Variants in ARPC1A observed in about 807,000 individuals in gnomAD.
ARPC1A encodes the protein actin-related protein 2/3 complex subunit 1A.
A neutral mutation model predicts 46.9 loss-of-function variants in ARPC1A; 8 were observed. That is an observed-to-expected ratio of 0.17 (90% confidence interval 0.10 to 0.31). The LOEUF is 0.31. ARPC1A is among the 10% of genes least tolerant of loss of function. The pLI, the probability that ARPC1A is intolerant of heterozygous loss-of-function variation, is 1.00. For synonymous variants in ARPC1A, 152 were observed against 169.0 expected (o/e 0.90, Z 0.78); for missense variants, 286 against 483.6 (o/e 0.59, Z 3.83).
intron 5 of ARPC1A, among the ~76,000 whole-genome samples, chr7:99,351,467 C>T (rs867665770): frequency 6.6e-6 from 1 of 152,140 alleles, no homozygotes; most frequent in Admixed American, 6.5e-5. Context: ...TATCCACCTG[C>T]CTCGGCCTCC....
rs548399836 is a variant in ARPC1A at position 99,342,947 on chromosome 7, C to T, written c.170-1346C>T. 3.9e-4 allele frequency among the ~76,000 whole-genome samples: 60 copies of T among 152,098 alleles called. No homozygotes were observed. The South Asian group carries it at 7.3e-3, about 18-fold the overall frequency. On this transcript the variant is annotated intron_variant, in intron 3 of 9. Transcript: ENST00000262942. ...CCGTGTTAGCCAGGATAGTCTCGATCTCCTAACCTCGTGATCCGCCTGCCT... is the reference window on the plus strand; with the variant it reads ...CCGTGTTAGCCAGGATAGTCTCGATTTCCTAACCTCGTGATCCGCCTGCCT...
chr7:99,332,364 G>A (rs1793157203), intron 1 of ARPC1A, among the ~76,000 whole-genome samples: 1 of 152,192 alleles, frequency 6.6e-6, no homozygotes, highest in African/African-American at 2.4e-5. Flanking sequence ...GGCCCATCCA[G>A]TTAGATTGAT....
chr7:99,360,792 T>C (rs914843399), intron 8 of ARPC1A, among the ~76,000 whole-genome samples: 6 of 151,900 alleles, frequency 3.9e-5, no homozygotes, highest in Admixed American at 3.3e-4. Context: ...AATACAAAAA[T>C]TAGCTTGGCA....
intron 5 of ARPC1A, among the ~76,000 whole-genome samples, chr7:99,350,524 G>A (rs1793528233): frequency 6.7e-6 from 1 of 150,052 alleles, no homozygotes; most frequent in South Asian, 2.1e-4. Flanking sequence ...GCTTTTTAAA[G>A]TTGTTCTTTC....
chr7:99,351,035 AAGAG>A (rs1037296829), intron 5 of ARPC1A, among the ~76,000 whole-genome samples: 16 of 152,100 alleles, frequency 1.1e-4, no homozygotes, highest in African/African-American at 3.9e-4. Flanking sequence ...TTAAAAAAAA[AAGAG>A]AGAGAGATGT....
rs1187679094 is a variant in ARPC1A at position 99,358,401 on chromosome 7, A to T, written c.775A>T (p.Ser259Cys). 7 of 1,614,008 alleles carry T rather than the reference A, an allele frequency of 4.3e-6. No homozygotes were observed. Among genetic ancestry groups the T allele is most frequent in the Non-Finnish European group, 5.9e-6 (7 of 1,180,018 alleles). The change falls in exon 7 of 10, where the codon AGC (serine) becomes TGC (cysteine). Residue 259 changes from serine (S) to cysteine (C), a missense_variant. Ser to Cys is a moderately radical substitution (Grantham distance 112). This residue lies in a region of ARPC1A where 182 missense variants were observed against 276.7 expected (regional missense o/e 0.66). Coordinates refer to ENST00000262942, the MANE Select transcript of ARPC1A (RefSeq NM_006409.4). ...AAGTGTGTCATTTGTCTCAGAGAAC[A>T]GCGTCGTGGCTGCTGTGAGTATTTT... ...LLSVSFVSEN[S>C]VVAAGHDCCP...
In ARPC1A at chr7:99,351,763, G is replaced by A. The variant is rs558760055; in HGVS notation, c.501-2146G>A. ...GGGGGGATACCTCGGTTCTTTTAGG[G>A]AGCCTTTAGGTTCAGCAGTTTTTTG... On this transcript the variant is annotated intron_variant, in intron 5 of 9. Transcript: ENST00000262942. Among the ~76,000 whole-genome samples, 10 of 152,304 alleles carry A rather than the reference G, an allele frequency of 6.6e-5. No homozygotes were observed. In the South Asian group the frequency reaches 1.9e-3, roughly 28 times the overall value.
chr7:99,337,700 A>G (rs1793279681), intron 2 of ARPC1A, among the ~76,000 whole-genome samples: 1 of 152,206 alleles, frequency 6.6e-6, no homozygotes, highest in African/African-American at 2.4e-5. Flanking sequence ...ATAGTTTATC[A>G]GCAGAATCAA....
chr7:99,345,070 G>T (rs1449497478), intron 4 of ARPC1A, among the ~76,000 whole-genome samples: 1 of 151,138 alleles, frequency 6.6e-6, no homozygotes, highest in Non-Finnish European at 1.5e-5. Context: ...GAGTAGCTGG[G>T]ATTACAGTCA....
At chr7:99,362,111 A>G (rs868151554) in intron 8 of ARPC1A, among the ~76,000 whole-genome samples, 1 of 152,084 alleles carries the variant, frequency 6.6e-6, no homozygotes. Context: ...CCTGACCAAC[A>G]TGGCAAAACC....
In ARPC1A at chr7:99,359,539, T is replaced by C; in HGVS notation, c.790-6T>C. ...TCCTCCAGGGACTGACTGAGTCTTG[T>C]TTCAGGGCCATGACTGCTGCCCAAT... On this transcript the variant is annotated splice_polypyrimidine_tract_variant and splice_region_variant and intron_variant, in intron 7 of 9. Transcript: ENST00000262942. 6.2e-7 allele frequency: 1 copy of C among 1,613,716 alleles called. No homozygotes were observed. Among genetic ancestry groups the C allele is most frequent in the East Asian group, 2.2e-5 (1 of 44,862 alleles).
intron 1 of ARPC1A, among the ~76,000 whole-genome samples, chr7:99,326,343 G>C (rs539328316): frequency 6.6e-6 from 1 of 152,320 alleles, no homozygotes; most frequent in South Asian, 2.1e-4. Flanking sequence ...CCGTAATCGA[G>C]CGACCCGCGG....
intron 3 of ARPC1A, 55 bp downstream of exon 3, chr7:99,338,340 C>A: frequency 1.7e-6 from 2 of 1,208,224 alleles, no homozygotes; most frequent in Non-Finnish European, 2.3e-6. Flanking sequence ...GGCACTCTTC[C>A]TTTTAGATAA....
chr7:99,330,401 G>A (rs555725842), intron 1 of ARPC1A, among the ~76,000 whole-genome samples: 87 of 151,344 alleles, frequency 5.7e-4, no homozygotes, highest in Non-Finnish European at 9.9e-4. Context: ...TGCAACCTCC[G>A]CCTCCCATGT....
chr7:99,326,440 C>T (rs534293698), intron 1 of ARPC1A, among the ~76,000 whole-genome samples: 1 of 152,326 alleles, frequency 6.6e-6, no homozygotes, highest in East Asian at 1.9e-4. Context: ...GGGCAGCCCT[C>T]AATCCTTCGG....
At chr7:99,336,867 A>G (rs536904972) in intron 2 of ARPC1A, among the ~76,000 whole-genome samples, 1 of 152,234 alleles carries the variant, frequency 6.6e-6, no homozygotes, top group African/African-American at 2.4e-5. Flanking sequence ...CATGCCTGTA[A>G]TCCTAGTGCT....
At chr7:99,341,130 G>A (rs1793350791) in intron 3 of ARPC1A, among the ~76,000 whole-genome samples, 1 of 151,850 alleles carries the variant, frequency 6.6e-6, no homozygotes, top group Admixed American at 6.6e-5. Flanking sequence ...CCAACATGGT[G>A]AAACCCTGTC....
At chr7:99,344,605 C>A (rs1314457916) in intron 4 of ARPC1A, 90 bp downstream of exon 4, 3 of 1,329,590 alleles carry the variant, frequency 2.3e-6, no homozygotes, top group African/African-American at 1.5e-5. Flanking sequence ...CAGTTTTTCT[C>A]ATCCGGAGTT....
intron 5 of ARPC1A, among the ~76,000 whole-genome samples, chr7:99,352,700 C>T (rs1793563859): frequency 6.6e-6 from 1 of 151,552 alleles, no homozygotes; most frequent in Non-Finnish European, 1.5e-5. Context: ...TGTGGTGGCT[C>T]ATGCCTGTAA....
Sources: allele counts gnomAD v4.1 joint callset (sites outside exome capture counted in the v4.1 genomes callset), GRCh38; gene constraint gnomAD v4.1.1; regional missense constraint gnomAD v4.1.1; transcripts MANE v1.5; gene names NCBI Gene and HGNC (gene_info 2026-07-23, HGNC 2026-07-21).